Variants in NBEAL2 observed in about 807,000 individuals in gnomAD.
The protein encoded by NBEAL2 is neurobeachin-like protein 2.
NBEAL2 carries 160 observed loss-of-function variants against 299.8 expected under a neutral mutation model. That is an observed-to-expected ratio of 0.53 (90% CI 0.47 to 0.61). The LOEUF (loss-of-function observed/expected upper bound fraction) is 0.61. NBEAL2 is among the 20% of genes least tolerant of loss of function. The pLI is 0.00. For synonymous variants in NBEAL2, 1,493 were observed against 1,542.3 expected (o/e 0.97, Z 0.75); for missense variants, 3,112 against 3,649.0 (o/e 0.85, Z 3.79).
Position 46,995,510 on chromosome 3 carries a change from T to C in NBEAL2, c.1775T>C (p.Val592Ala). The stretch of plus-strand genomic sequence containing the variant: ...ACGCCCAGCATGGCGGGCATCATGG[T>C]ACCCCCTGTACAGCGATGGCCAGGG... ...DLTPSMAGIM[V>A]PPVQRWPGPG... The change falls in exon 13 of 54, where the codon GTA becomes GCA. Residue 592 changes from valine (V) to alanine (A), a missense_variant. Physicochemically the swap from Val to Ala is moderately conservative, Grantham distance 64. This residue lies in a region of NBEAL2 where 2,243 missense variants were observed against 2,538.1 expected (regional missense o/e 0.88). Coordinates refer to ENST00000450053, the MANE Select transcript of NBEAL2 (RefSeq NM_015175.3). 1 of 1,612,892 alleles carries C rather than the reference T, an allele frequency of 6.2e-7. No homozygotes were observed. The highest frequency in any genetic ancestry group is 1.1e-5 in the South Asian group (1 of 91,088).
At position 46,989,653 on chromosome 3, in the gene NBEAL2, G is replaced by A. The variant is rs559872924; in HGVS notation, c.556+60G>A. The A allele has an allele frequency of 2.0e-5, 29 of 1,447,738 alleles. No individual in the cohort carries two copies. The highest frequency in any genetic ancestry group is 7.9e-5 in the Admixed American group (4 of 50,736). 89.7% of individuals were successfully genotyped at this position (1,447,738 alleles called of 1,614,324 possible). A position where few individuals can be genotyped will look rare whatever the true frequency, so the allele number is the denominator to read the frequency against. ...CCCCAAACCTAGGCCCCTTCCTGTC[G>A]TTCCTTGATCCTGCCATACACAGGA... On this transcript the variant is annotated intron_variant, in intron 6 of 53. Transcript: ENST00000450053. The surrounding 1 kb of genome is among the most constrained non-coding windows in gnomAD (Gnocchi z 5.5).
At chr3:46,994,128 C>A in intron 11 of NBEAL2, 108 bp downstream of exon 11, 1 of 1,183,188 alleles carries the variant, frequency 8.5e-7, no homozygotes, top group Non-Finnish European at 1.2e-6. Flanking sequence ...CTCCCTGGAG[C>A]AAAGCAGGCG....
At position 47,003,039 on chromosome 3, in the gene NBEAL2, T is replaced by C. The variant is rs1357368519; in HGVS notation, c.5542T>C (p.Phe1848Leu). The C allele has an allele frequency of 6.2e-7, 1 of 1,613,048 alleles. No homozygotes were observed. The highest frequency in any genetic ancestry group is 8.5e-7 in the Non-Finnish European group (1 of 1,179,582). The change falls in exon 34 of 54, where the codon TTC becomes CTC. Residue 1848 changes from phenylalanine to leucine, a missense_variant. Coordinates refer to ENST00000450053, the MANE Select transcript of NBEAL2 (RefSeq NM_015175.3). The surrounding 1 kb of genome is among the most constrained non-coding windows in gnomAD (Gnocchi z 7.0). ...MRLKLVPNHH[F>L]DPHLEASALR... ...TCTGAAGCTGGTGCCCAACCATCACTTCGACCCTCACCTGGAAGCCAGCGC... is the reference window on the plus strand; with the variant it reads ...TCTGAAGCTGGTGCCCAACCATCACCTCGACCCTCACCTGGAAGCCAGCGC...
In NBEAL2 at chr3:47,008,431, C is replaced by T. The variant is rs1391379106; in HGVS notation, c.7868C>T (p.Pro2623Leu). Residue 2623 changes from proline (P) to leucine (L), a missense_variant, in exon 51 of 54, where the codon CCT becomes CTT. Coordinates refer to ENST00000450053, the MANE Select transcript of NBEAL2 (RefSeq NM_015175.3). ...GTACAGAGCTCAGCGTGGGAACGTC[C>T]TGGGGCCCAGGTATGGGGAAGGGGT... is the stretch of plus-strand genomic sequence containing the variant. ...IVVQSSAWER[P>L]GAQVTYSLHL... The T allele has an allele frequency of 6.2e-7, 1 of 1,612,250 alleles. No individual in the cohort carries two copies. Among genetic ancestry groups the T allele is most frequent in the Non-Finnish European group, 8.5e-7 (1 of 1,178,528 alleles).
Position 47,002,171 on chromosome 3 carries a change from G to T in NBEAL2, c.5034G>T (p.Pro1678=), listed in dbSNP as rs368414682. Reference sequence around the variant, plus strand: ...CGCTGCTAGACCGTGCCTATGAGCCGCTGGGGCTGCAGTGGGGACTGCCCT... The same window carrying T: ...CGCTGCTAGACCGTGCCTATGAGCCTCTGGGGCTGCAGTGGGGACTGCCCT... ...VRTLLDRAYE[P]LGLQWGLPSL... The change falls in exon 31 of 54, where the codon CCG becomes CCT. Residue 1678 remains proline (P), a synonymous_variant. Transcript: ENST00000450053. The T allele has an allele frequency of 5.2e-6, 8 of 1,532,494 alleles. No homozygotes were observed. The East Asian group carries it at 7.4e-5, about 14-fold the overall frequency. 94.9% of individuals were successfully genotyped at this position (1,532,494 alleles called of 1,614,324 possible).
Position 46,998,848 on chromosome 3 carries a change from G to T in NBEAL2, c.3353G>T (p.Ser1118Ile). The T allele has an allele frequency of 6.3e-7, 1 of 1,584,814 alleles. No homozygotes were observed. The change falls in exon 23 of 54, where the codon AGC (serine) becomes ATC (isoleucine). Residue 1118 changes from serine (S) to isoleucine (I), a missense_variant. Coordinates refer to ENST00000450053, the MANE Select transcript of NBEAL2 (RefSeq NM_015175.3). ...GTGCAGGTCACGCAGACCATGCTGA[G>T]CTTTTTGGCGGCCACAGGCGATGAC... ...DDVQVTQTML[S>I]FLAATGDDGQ...
chr3:46,995,893 G>C lies in NBEAL2; in HGVS notation c.2032-39G>C, dbSNP rs1299517469. 1.9e-6 allele frequency: 3 copies of C among 1,613,272 alleles called. No individual in the cohort carries two copies. In the Admixed American group the frequency reaches 5.0e-5, roughly 27 times the overall value. ...GTGGCCCAGTAGAGAGAGGGGTGCTGAGTCCCAAGTATGGCCTAATGTGAG... is the reference window on the plus strand; with the variant it reads ...GTGGCCCAGTAGAGAGAGGGGTGCTCAGTCCCAAGTATGGCCTAATGTGAG... On this transcript the variant is annotated intron_variant, in intron 14 of 53. Transcript: ENST00000450053.
Position 46,999,421 on chromosome 3 carries a change from G to A in NBEAL2, c.3650G>A (p.Gly1217Glu). 1 of 1,592,344 alleles carries A rather than the reference G, an allele frequency of 6.3e-7. No homozygotes were observed. The highest frequency in any genetic ancestry group is 8.5e-7 in the Non-Finnish European group (1 of 1,170,158). Residue 1217 changes from glycine to glutamate, a missense_variant, in exon 25 of 54, where the codon GGG (glycine) becomes GAG (glutamate). Physicochemically the swap from Gly to Glu is moderately conservative, Grantham distance 98 (BLOSUM62 -2). Coordinates refer to ENST00000450053, the MANE Select transcript of NBEAL2 (RefSeq NM_015175.3). The stretch of plus-strand genomic sequence containing the variant: ...GGTCTGGTTGCCTGCTTGCCTGAGG[G>A]GACTGTTTCCCCCCAGCTCTGCCAG... ...LQGLVACLPE[G>E]TVSPQLCQGL...
In NBEAL2 at chr3:46,996,534, T is replaced by C; in HGVS notation, c.2415T>C (p.Ala805=). Residue 805 remains alanine, a synonymous_variant, in exon 16 of 54, where the codon GCT becomes GCC. Transcript: ENST00000450053. ...SPTSLEGELG[A]VAIFHEALQA... is the part of the protein sequence containing the mutation. ...CATCCCTGGAGGGTGAGCTGGGGGCTGTGGCCATCTTTCACGAAGCCCTGC... is the reference window on the plus strand; with the variant it reads ...CATCCCTGGAGGGTGAGCTGGGGGCCGTGGCCATCTTTCACGAAGCCCTGC... 6.5e-7 allele frequency: 1 copy of C among 1,548,714 alleles called. No individual in the cohort carries two copies. The highest frequency in any genetic ancestry group is 8.7e-7 in the Non-Finnish European group (1 of 1,144,666).
Position 46,991,456 on chromosome 3 carries a change from T to C in NBEAL2, c.693T>C (p.Ser231=). The C allele has an allele frequency of 6.2e-7, 1 of 1,611,782 alleles. No homozygotes were observed. Among genetic ancestry groups the C allele is most frequent in the Non-Finnish European group, 8.5e-7 (1 of 1,179,066 alleles). ...ATGGCTCTGTGAAGGGCCTGCTGAG[T>C]GTGGTGCGGGGCTGGAGCCGTGGGC... ...VSDGSVKGLL[S]VVRGWSRGPA... Residue 231 remains serine, a synonymous_variant, in exon 8 of 54, where the codon AGT becomes AGC. Coordinates refer to ENST00000450053, the MANE Select transcript of NBEAL2 (RefSeq NM_015175.3). This position sits in a 1 kb window ranked among gnomAD's most constrained non-coding sequence, Gnocchi z 6.2.
chr3:46,993,635 C>T (rs2107325758), intron 10 of NBEAL2, among the ~76,000 whole-genome samples: 1 of 152,282 alleles, frequency 6.6e-6, no homozygotes, highest in South Asian at 2.1e-4. Context: ...GCCCTAACTC[C>T]ACTAGAGAAA....
intron 1 of NBEAL2, chr3:46,987,884 C>A (rs1000138698): frequency 4.0e-5 from 22 of 544,342 alleles, no homozygotes; most frequent in Non-Finnish European, 2.3e-6. Context: ...GGTGCCCCGG[C>A]CCCCCCACAT....
In NBEAL2 at chr3:47,005,341, G is replaced by GC; in HGVS notation, c.6560+20_6560+21insC. 1 of 1,604,570 alleles carries GC rather than the reference G, an allele frequency of 6.2e-7. No homozygotes were observed. The highest frequency in any genetic ancestry group is 1.1e-5 in the South Asian group (1 of 90,024). On this transcript the variant is annotated intron_variant, in intron 40 of 53. Transcript: ENST00000450053. ...TGGCCGGTGCGGCCCAGGGGCTGGT[G>GC]GGCAGACTAGGGGGCAGATAAGGGG...
rs1473888114 is a variant in NBEAL2 at position 46,997,245 on chromosome 3, C to T, written c.2650-14C>T. ...GCTGGAAGGTCCCCCTCACTGCCAT[C>T]CTCCTTCCCCCAGGATGTGGTGAAC... On this transcript the variant is annotated splice_polypyrimidine_tract_variant and intron_variant, in intron 18 of 53. Transcript: ENST00000450053. The T allele has an allele frequency of 6.2e-7, 1 of 1,612,074 alleles. No homozygotes were observed. The highest frequency in any genetic ancestry group is 1.7e-5 in the Admixed American group (1 of 59,906).
In NBEAL2 at chr3:47,005,988, C is replaced by T; in HGVS notation, c.6844C>T (p.Leu2282Phe). Residue 2282 changes from leucine (L) to phenylalanine (F), a missense_variant, in exon 43 of 54, where the codon CTC (leucine) becomes TTC (phenylalanine). Leu to Phe is a conservative substitution (Grantham distance 22). Transcript: ENST00000450053. ...VSAHLHEWID[L>F]IFGYKQRGPA... The stretch of plus-strand genomic sequence containing the variant: ...TGCACACCTACACGAGTGGATCGAC[C>T]TCATCTTTGGCTACAAGCAGCGGGG... The T allele has an allele frequency of 6.2e-7, 1 of 1,613,778 alleles. No homozygotes were observed. Among genetic ancestry groups the T allele is most frequent in the Non-Finnish European group, 8.5e-7 (1 of 1,179,896 alleles).
rs755586480 is a variant in NBEAL2, at chr3:47,007,056, G to GC, written c.7135-6dup. On this transcript the variant is annotated splice_polypyrimidine_tract_variant and intron_variant, in intron 45 of 53. Coordinates refer to ENST00000450053, the MANE Select transcript of NBEAL2 (RefSeq NM_015175.3). ...CTCAGGCATAGCTAGGCCTGCCCTT[G>GC]CCCCTGCAGGTTGTCAGTGATGGTG... is the stretch of plus-strand genomic sequence containing the variant. 3 of 1,606,208 alleles carry GC rather than the reference G, an allele frequency of 1.9e-6. No individual in the cohort carries two copies. The Admixed American group carries it at 5.1e-5, about 27-fold the overall frequency.
chr3:47,007,603 A>G lies in NBEAL2; in HGVS notation c.7413A>G (p.Gly2471=), dbSNP rs1216597752. 2.5e-6 allele frequency: 4 copies of G among 1,611,968 alleles called. No homozygotes were observed. The Admixed American group carries it at 6.7e-5, about 27-fold the overall frequency. Residue 2471 remains glycine (G), a synonymous_variant, in exon 48 of 54, where the codon GGA becomes GGG. Coordinates refer to ENST00000450053, the MANE Select transcript of NBEAL2 (RefSeq NM_015175.3). ...SGQALAVAPD[G]KLLFSGGHWD... ...AAGCACTGGCAGTGGCCCCGGATGG[A>G]AAGCTGCTATTCAGCGGTGGCCACT...
chr3:46,997,159 C>T, intron 18 of NBEAL2, 100 bp from the exon 19 acceptor site: 2 of 1,564,028 alleles, frequency 1.3e-6, no homozygotes, highest in East Asian at 2.3e-5. Context: ...GACAGTCCAG[C>T]TCAAGAGAGC....
rs759044125 is a variant in NBEAL2 at position 47,002,157 on chromosome 3, C to G, written c.5020C>G (p.Arg1674Gly). The change falls in exon 31 of 54, where the codon CGT (arginine) becomes GGT (glycine). Residue 1674 changes from arginine (R) to glycine (G), a missense_variant. Arg to Gly is a moderately radical substitution (Grantham distance 125). This residue lies in a region of NBEAL2 where 2,243 missense variants were observed against 2,538.1 expected (regional missense o/e 0.88). Transcript: ENST00000450053. ...LVPLVRTLLD[R>G]AYEPLGLQWG... is the part of the protein sequence containing the mutation. ...GCCACTGGTGCGCACGCTGCTAGACCGTGCCTATGAGCCGCTGGGGCTGCA... is the reference window on the plus strand; with the variant it reads ...GCCACTGGTGCGCACGCTGCTAGACGGTGCCTATGAGCCGCTGGGGCTGCA... 7.1e-6 allele frequency: 11 copies of G among 1,539,320 alleles called. No individual in the cohort carries two copies. The highest frequency in any genetic ancestry group is 9.7e-6 in the Non-Finnish European group (11 of 1,139,366).
Sources: allele counts gnomAD v4.1 joint callset (sites outside exome capture counted in the v4.1 genomes callset), GRCh38; gene constraint gnomAD v4.1.1; regional missense constraint gnomAD v4.1.1; non-coding constraint Gnocchi (gnomAD v3.1); transcripts MANE v1.5; gene names NCBI Gene and HGNC (gene_info 2026-07-23, HGNC 2026-07-21).